The following ENTHD1 variants were observed in gnomAD, a reference collection of about 807,000 sequenced individuals.
ENTHD1 encodes ENTH domain-containing protein 1.
Under a neutral mutation model 39.1 loss-of-function variants are expected in ENTHD1, and 23 were observed. The ratio of observed to expected loss-of-function variants is 0.59; its 90% CI spans 0.42 to 0.83. The LOEUF (loss-of-function observed/expected upper bound fraction) is 0.83. ENTHD1 is among the 40% of genes least tolerant of loss of function. The pLI, the probability that ENTHD1 is intolerant of heterozygous loss-of-function variation, is 0.00. For missense variants in ENTHD1, 624 were observed against 705.4 expected, an observed-to-expected ratio of 0.88 and a Z score of 1.31; for synonymous variants, 230 against 258.2, an observed-to-expected ratio of 0.89 and a Z score of 1.05.
chr22:39,829,044 C>T (rs1460562515), intron 4 of ENTHD1, among the ~76,000 whole-genome samples: 1 of 152,156 alleles, frequency 6.6e-6, no homozygotes, highest in African/African-American at 2.4e-5. Context: ...ATTTATTTCT[C>T]ATTCTGTAGA....
At chr22:39,794,981 T>C (rs1222614807) in intron 5 of ENTHD1, among the ~76,000 whole-genome samples, 3 of 152,200 alleles carry the variant, frequency 2.0e-5, no homozygotes, top group East Asian at 1.9e-4. Flanking sequence ...TGAAGCGTCA[T>C]TGGATTTTAT....
chr22:39,767,887 T>A (rs2065289358), intron 5 of ENTHD1, among the ~76,000 whole-genome samples: 1 of 152,176 alleles, frequency 6.6e-6, no homozygotes, highest in Non-Finnish European at 1.5e-5. Context: ...CAGACAGAAG[T>A]CATTCCATTT....
intron 6 of ENTHD1, among the ~76,000 whole-genome samples, chr22:39,749,055 G>A (rs2065128761): frequency 6.6e-6 from 1 of 152,176 alleles, no homozygotes; most frequent in African/African-American, 2.4e-5. Context: ...ATTGTTTACA[G>A]TTTTGCAGCT....
intron 5 of ENTHD1, among the ~76,000 whole-genome samples, chr22:39,815,533 T>C (rs1041759754): frequency 2.0e-5 from 3 of 152,110 alleles, no homozygotes; most frequent in African/African-American, 4.8e-5. Flanking sequence ...GGTGAGGACA[T>C]GCAGCAACTG....
chr22:39,861,696 A>C (rs1039357817), intron 3 of ENTHD1, 69 bp downstream of exon 3: 2 of 1,238,396 alleles, frequency 1.6e-6, no homozygotes, highest in African/African-American at 3.0e-5. Flanking sequence ...CTAAAACATA[A>C]TATTTTATAT....
intron 6 of ENTHD1, 22 bp downstream of exon 6, chr22:39,765,201 T>A: frequency 6.4e-7 from 1 of 1,559,572 alleles, no homozygotes; most frequent in Non-Finnish European, 8.7e-7. Context: ...TGTGTGTGTG[T>A]GTGTGTGTTT....
At chr22:39,890,266 G>A (rs17001508) in intron 1 of ENTHD1, among the ~76,000 whole-genome samples, 16,909 of 151,756 alleles carry the variant, frequency 0.11, 1,776 homozygotes, top group East Asian at 0.6. Flanking sequence ...TCTCTTTTTC[G>A]TACTTCAAAC....
At chr22:39,764,760 A>G (rs71321168) in intron 6 of ENTHD1, among the ~76,000 whole-genome samples, 1 of 151,164 alleles carries the variant, frequency 6.6e-6, no homozygotes, top group African/African-American at 2.4e-5. Context: ...TATAAAAAAG[A>G]CAAGATCCCC....
intron 6 of ENTHD1, among the ~76,000 whole-genome samples, chr22:39,749,309 G>T (rs545778017): frequency 9.2e-5 from 14 of 152,102 alleles, no homozygotes; most frequent in Non-Finnish European, 1.8e-4. Flanking sequence ...ACAATAAATC[G>T]CTGTATTTTA....
At chr22:39,756,806 A>G (rs2065189135) in intron 6 of ENTHD1, among the ~76,000 whole-genome samples, 1 of 152,226 alleles carries the variant, frequency 6.6e-6, no homozygotes, top group African/African-American at 2.4e-5. Context: ...CAACATTTAT[A>G]AAAGCTTCTA....
At chr22:39,837,602 A>G (rs913905424) in intron 3 of ENTHD1, among the ~76,000 whole-genome samples, 1 of 152,246 alleles carries the variant, frequency 6.6e-6, no homozygotes, top group African/African-American at 2.4e-5. Context: ...TGGCATAAAT[A>G]ACAAGGTATT....
intron 5 of ENTHD1, among the ~76,000 whole-genome samples, chr22:39,802,792 G>A (rs1601604491): frequency 1.3e-5 from 2 of 152,326 alleles, no homozygotes; most frequent in African/African-American, 4.8e-5. Context: ...ATCCCCAACA[G>A]AGTGCCATCA....
chr22:39,767,269 A>G (rs1009433121), intron 5 of ENTHD1, among the ~76,000 whole-genome samples: 1 of 152,186 alleles, frequency 6.6e-6, no homozygotes, highest in Non-Finnish European at 1.5e-5. Flanking sequence ...GATGAAAAGA[A>G]CCTCTCCTAA....
At chr22:39,813,582 G>A (rs2065710091) in intron 5 of ENTHD1, among the ~76,000 whole-genome samples, 1 of 152,144 alleles carries the variant, frequency 6.6e-6, no homozygotes, top group South Asian at 2.1e-4. Context: ...AACTGTTAAG[G>A]AACGGAGAGC....
In ENTHD1 at chr22:39,743,825, C is replaced by T. The variant is rs1410497060; in HGVS notation, c.1678G>A (p.Ala560Thr). The part of the protein sequence containing the change: ...VLLREVKRAI[A>T]RLHEDLSTVI... ...GTGCTCAGATCTTCATGTAATCTAG[C>T]GATCGCACGTTTTACCTCCCTTAAA... The change falls in exon 7 of 7, where the codon GCT (alanine) becomes ACT (threonine). Residue 560 changes from alanine (A) to threonine (T), a missense_variant. Coordinates refer to ENST00000325157, the MANE Select transcript of ENTHD1 (RefSeq NM_152512.4). The T allele has an allele frequency of 1.7e-5, 27 of 1,613,920 alleles. No individual in the cohort carries two copies. The highest frequency in any genetic ancestry group is 1.6e-4 in the Middle Eastern group (1 of 6,084).
At chr22:39,777,894 G>A (rs1313584415) in intron 5 of ENTHD1, among the ~76,000 whole-genome samples, 3 of 152,130 alleles carry the variant, frequency 2.0e-5, no homozygotes, top group Non-Finnish European at 4.4e-5. Flanking sequence ...CTGTCTTTCC[G>A]CTAGTGAGAG....
intron 3 of ENTHD1, among the ~76,000 whole-genome samples, chr22:39,851,624 G>A (rs2066040699): frequency 6.6e-6 from 1 of 152,150 alleles, no homozygotes; most frequent in Non-Finnish European, 1.5e-5. Context: ...TTGAGGGTCT[G>A]GGTTCAGCAT....
chr22:39,846,147 A>G (rs1406297988), intron 3 of ENTHD1, among the ~76,000 whole-genome samples: 1 of 152,204 alleles, frequency 6.6e-6, no homozygotes, highest in Non-Finnish European at 1.5e-5. Context: ...CTAAAAATGG[A>G]TAAAAGATTT....
intron 3 of ENTHD1, among the ~76,000 whole-genome samples, chr22:39,836,815 G>C (rs6001693): frequency 2.0e-5 from 3 of 152,028 alleles, no homozygotes; most frequent in African/African-American, 7.2e-5. Flanking sequence ...AGCACCTCCC[G>C]CTTCGCTCTC....
Sources: gnomAD v4.1 joint callset for allele counts (sites outside exome capture counted in the v4.1 genomes callset) on GRCh38, gnomAD v4.1.1 for gene constraint, MANE v1.5 for transcripts, NCBI Gene and HGNC (gene_info 2026-07-23, HGNC 2026-07-21) for gene names.